The following LIMS1 variants were observed in gnomAD, a reference collection of about 807,000 sequenced individuals.
The protein encoded by LIMS1 is LIM and senescent cell antigen-like-containing domain protein 1.
LIMS1 carries 18 observed loss-of-function variants against 44.1 expected under a neutral mutation model. The observed-to-expected ratio is 0.41, with a 90% CI of 0.28 to 0.61. The LOEUF (loss-of-function observed/expected upper bound fraction) is 0.61. LIMS1 is among the 20% of genes least tolerant of loss of function. The pLI, the probability that LIMS1 is intolerant of heterozygous loss-of-function variation, is 0.32. For missense variants in LIMS1, 201 were observed against 422.0 expected (o/e 0.48, Z 4.59); for synonymous variants, 93 against 149.1 (o/e 0.62, Z 2.74).
At chr2:108,554,521 A>T (rs765309542) in intron 1 of LIMS1, among the ~76,000 whole-genome samples, 9 of 152,160 alleles carry the variant, frequency 5.9e-5, no homozygotes, top group Non-Finnish European at 1.2e-4. Flanking sequence ...AATGCAAGAG[A>T]TTTATAACAG....
intron 1 of LIMS1, among the ~76,000 whole-genome samples, chr2:108,556,855 T>A (rs987350073): frequency 6.6e-6 from 1 of 152,228 alleles, no homozygotes; most frequent in Non-Finnish European, 1.5e-5. Flanking sequence ...GAACCTGTGA[T>A]CAGTCAAGCA....
At chr2:108,667,952 A>T (rs1053656563) in intron 2 of LIMS1, among the ~76,000 whole-genome samples, 82 of 152,112 alleles carry the variant, frequency 5.4e-4, no homozygotes, top group Non-Finnish European at 9.3e-4. Flanking sequence ...TTCTATTGGT[A>T]TTTTTTATTG....
chr2:108,646,216 T>C (rs1690053540), intron 1 of LIMS1, among the ~76,000 whole-genome samples: 1 of 152,110 alleles, frequency 6.6e-6, no homozygotes, highest in African/African-American at 2.4e-5. Context: ...TATTCTAAAA[T>C]TGATCACATA....
At chr2:108,533,711 C>G (rs1340739388), upstream of LIMS1, 2 of 152,514 alleles carry the variant, frequency 1.3e-5, no homozygotes, top group Non-Finnish European at 2.9e-5. Context: ...GCGCCGGCCC[C>G]AAAATTTCAG....
chr2:108,583,657 G>C (rs1332263125), intron 1 of LIMS1, among the ~76,000 whole-genome samples: 4 of 151,064 alleles, frequency 2.6e-5, no homozygotes, highest in African/African-American at 9.7e-5. Flanking sequence ...ATTCAGAATA[G>C]TCTGTGGAAA....
chr2:108,638,120 A>G (rs1689404392), intron 1 of LIMS1, among the ~76,000 whole-genome samples: 1 of 152,198 alleles, frequency 6.6e-6, no homozygotes, highest in Admixed American at 6.5e-5. Flanking sequence ...TGCTGGGATT[A>G]CAGGCATGAG....
chr2:108,651,161 G>C (rs1690456587), intron 1 of LIMS1, among the ~76,000 whole-genome samples: 1 of 152,170 alleles, frequency 6.6e-6, no homozygotes, highest in Non-Finnish European at 1.5e-5. Flanking sequence ...ACATGTCTGA[G>C]CCTCCTGCTT....
At chr2:108,609,558 C>A (rs995137698) in intron 1 of LIMS1, among the ~76,000 whole-genome samples, 9 of 152,236 alleles carry the variant, frequency 5.9e-5, no homozygotes, top group Non-Finnish European at 8.8e-5. Flanking sequence ...ATTCTCCTCT[C>A]CATCTAGAAT....
intron 1 of LIMS1, among the ~76,000 whole-genome samples, chr2:108,634,173 G>A (rs1390731529): frequency 6.6e-6 from 1 of 152,150 alleles, no homozygotes; most frequent in Non-Finnish European, 1.5e-5. Context: ...GTGTCAGGTT[G>A]GGGTCTCCTT....
chr2:108,538,712 A>G (rs1045146162), intron 1 of LIMS1, among the ~76,000 whole-genome samples: 1 of 152,212 alleles, frequency 6.6e-6, no homozygotes, highest in Non-Finnish European at 1.5e-5. Flanking sequence ...GTTACGGGAA[A>G]ACATGCAAAA....
At chr2:108,584,333 T>C (rs1419305959) in intron 1 of LIMS1, among the ~76,000 whole-genome samples, 1 of 152,164 alleles carries the variant, frequency 6.6e-6, no homozygotes, top group African/African-American at 2.4e-5. Context: ...AGAAGACTTA[T>C]TTTAGCTGGT....
chr2:108,619,583 C>T (rs938237300), intron 1 of LIMS1, among the ~76,000 whole-genome samples: 2 of 152,036 alleles, frequency 1.3e-5, no homozygotes, highest in African/African-American at 4.8e-5. Context: ...ACTGGGGAGG[C>T]TGAGGCACGA....
At chr2:108,605,332 G>C (rs1417949151) in intron 1 of LIMS1, among the ~76,000 whole-genome samples, 1 of 152,138 alleles carries the variant, frequency 6.6e-6, no homozygotes, top group Non-Finnish European at 1.5e-5. Flanking sequence ...TCGGTTCTTT[G>C]TTAATCCTGC....
intron 1 of LIMS1, among the ~76,000 whole-genome samples, chr2:108,642,335 GTTT>G (rs1332814174): frequency 1.8e-4 from 6 of 34,146 alleles, no homozygotes; most frequent in Admixed American, 6.0e-4. Flanking sequence ...AGCTACTAGT[GTTT>G]TTTGTTTTTT....
At chr2:108,605,715 A>C (rs1378556925) in intron 1 of LIMS1, among the ~76,000 whole-genome samples, 1 of 152,200 alleles carries the variant, frequency 6.6e-6, no homozygotes, top group Non-Finnish European at 1.5e-5. Context: ...TCATCCTTAT[A>C]ACCAAGTTCA....
rs370683258 is a variant in LIMS1, at chr2:108,638,970, G to C, written c.33-20635G>C. Among the ~76,000 whole-genome samples, 57 of 152,250 alleles carry C rather than the reference G, an allele frequency of 3.7e-4. No homozygotes were observed. In the East Asian group the frequency reaches 0.011, roughly 28 times the overall value. ...AGGCAGGAGAATGGTGTGAACCCGG[G>C]AGGCGGAGCCTGCAGTGAGCATGGA... On this transcript the variant is annotated intron_variant, in intron 1 of 9. Coordinates refer to ENST00000544547, the Ensembl canonical transcript of LIMS1.
At chr2:108,587,392 T>C (rs917425035) in intron 1 of LIMS1, among the ~76,000 whole-genome samples, 5 of 151,672 alleles carry the variant, frequency 3.3e-5, no homozygotes, top group Non-Finnish European at 7.4e-5. Context: ...AGAGACATGG[T>C]CTCCCTATGT....
exon 10 of LIMS1, chr2:108,684,008 A>AT (rs754026131): frequency 1.7e-5 from 23 of 1,391,010 alleles, no homozygotes; most frequent in African/African-American, 1.2e-4. Flanking sequence ...AAGTTCCTTT[A>AT]TTTTTTCTTT....
intron 1 of LIMS1, among the ~76,000 whole-genome samples, chr2:108,552,226 A>G (rs1486684007): frequency 6.9e-6 from 1 of 144,158 alleles, no homozygotes; most frequent in African/African-American, 2.5e-5. Context: ...TACATAATAC[A>G]TTAGTTATAT....
Sources: allele counts gnomAD v4.1 joint callset (sites outside exome capture counted in the v4.1 genomes callset), GRCh38; gene constraint gnomAD v4.1.1; transcripts MANE v1.5; gene names NCBI Gene and HGNC (gene_info 2026-07-23, HGNC 2026-07-21).